CYLC2: variants seen among roughly 807,000 people sequenced by gnomAD.
CYLC2 encodes cylicin-2.
A neutral mutation model predicts 26.1 loss-of-function variants in CYLC2; 30 were observed. That is an observed-to-expected ratio of 1.15 (90% CI 0.86 to 1.56). The LOEUF (loss-of-function observed/expected upper bound fraction) is 1.56. Ranked by LOEUF, CYLC2 falls within the 40% of genes most tolerant of loss-of-function variation. The pLI, the probability that CYLC2 is intolerant of heterozygous loss-of-function variation, is 0.00. For missense variants in CYLC2, 498 were observed against 394.4 expected (o/e 1.26, Z -2.23); for synonymous variants, 158 against 132.8 (o/e 1.19, Z -1.31).
At chr9:103,008,502 T>C (rs531162271) in intron 5 of CYLC2, among the ~76,000 whole-genome samples, 2 of 152,232 alleles carry the variant, frequency 1.3e-5, no homozygotes, top group African/African-American at 4.8e-5. Flanking sequence ...AAGCACCTAG[T>C]TGACTAGCTT....
intron 6 of CYLC2, among the ~76,000 whole-genome samples, chr9:103,013,161 A>C (rs1281920466): frequency 2.2e-5 from 3 of 136,116 alleles, no homozygotes; most frequent in African/African-American, 5.4e-5. Context: ...ATAAATATAT[A>C]TTATATAAAT....
Position 103,016,914 on chromosome 9 carries a change from C to T in CYLC2, c.*843C>T, listed in dbSNP as rs1011939327. The stretch of plus-strand genomic sequence containing the variant: ...GAAGGAAAATAGCTGGCATTTCTTG[C>T]TGGAGAAAGTTATCACAAGTGGAAA... On this transcript the variant is annotated 3_prime_UTR_variant, in exon 7 of 8. Transcript: ENST00000374798. The T allele has an allele frequency of 6.6e-6, 1 of 151,874 alleles. No individual in the cohort carries two copies. Among genetic ancestry groups the T allele is most frequent in the Non-Finnish European group, 1.5e-5 (1 of 67,962 alleles). The allele number at this position is 151,874 out of a possible 1,614,324, so 9.4% of individuals were successfully genotyped here.
chr9:103,016,674 G>A (rs1371281986), intron 6 of CYLC2, among the ~76,000 whole-genome samples: 2 of 151,918 alleles, frequency 1.3e-5, no homozygotes, highest in African/African-American at 2.4e-5. Context: ...GACAAGAAAG[G>A]AAAATTAAAA....
At chr9:103,009,805 C>G (rs920471585) in intron 5 of CYLC2, among the ~76,000 whole-genome samples, 1 of 151,944 alleles carries the variant, frequency 6.6e-6, no homozygotes, top group East Asian at 1.9e-4. Flanking sequence ...TGAGAGAGAA[C>G]ATGCAATGTT....
In CYLC2 at chr9:103,005,023, A is replaced by G. The variant is rs759498047; in HGVS notation, c.392A>G (p.Glu131Gly). 2 of 1,594,330 alleles carry G rather than the reference A, an allele frequency of 1.3e-6. No individual in the cohort carries two copies. The highest frequency in any genetic ancestry group is 2.3e-5 in the South Asian group (2 of 87,700). The part of the protein sequence containing the change: ...KTTQKDTTDS[E>G]SELKQGKKDS... ...ACACAGAAGGACACAACAGATTCGG[A>G]ATCAGAATTAAAACAAGGAAAAAAA... Residue 131 changes from glutamate (E) to glycine (G), a missense_variant, in exon 5 of 8, where the codon GAA becomes GGA. By Grantham distance (98) the Glu-to-Gly change is moderately conservative. Transcript: ENST00000374798.
chr9:102,999,208 T>C (rs10820333), intron 1 of CYLC2, among the ~76,000 whole-genome samples: 99,758 of 151,502 alleles, frequency 0.66, 33,105 homozygotes, highest in South Asian at 0.82. Context: ...TGCTTTTGTG[T>C]TATTTCAAGT....
chr9:103,002,560 G>C (rs372945653), intron 2 of CYLC2, among the ~76,000 whole-genome samples: 7 of 151,806 alleles, frequency 4.6e-5, no homozygotes, highest in African/African-American at 1.4e-4. Context: ...CACCGTGTTA[G>C]CCAGGATGGT....
At chr9:103,017,812 G>A (rs532551525) in intron 7 of CYLC2, among the ~76,000 whole-genome samples, 3 of 152,006 alleles carry the variant, frequency 2.0e-5, no homozygotes, top group Admixed American at 1.3e-4. Context: ...TATTGGCAGC[G>A]TTGATTTCTT....
chr9:103,013,980 A>C (rs1225350231), intron 6 of CYLC2, among the ~76,000 whole-genome samples: 1 of 114,648 alleles, frequency 8.7e-6, no homozygotes, highest in African/African-American at 3.5e-5. Flanking sequence ...ATTATATATT[A>C]TTTAATATGA....
At chr9:103,001,142 C>T (rs1193012762) in intron 1 of CYLC2, among the ~76,000 whole-genome samples, 1 of 151,760 alleles carries the variant, frequency 6.6e-6, no homozygotes, top group Non-Finnish European at 1.5e-5. Flanking sequence ...TATGCTTTTA[C>T]ATAAGCGTAG....
intron 6 of CYLC2, among the ~76,000 whole-genome samples, chr9:103,014,141 A>T (rs1829457768): frequency 1.7e-5 from 2 of 119,230 alleles, no homozygotes; most frequent in African/African-American, 6.8e-5. Context: ...TAATATATTA[A>T]ATATATTATT....
At position 103,005,445 on chromosome 9, in the gene CYLC2, A is replaced by G. The variant is rs766067392; in HGVS notation, c.814A>G (p.Lys272Glu). Reference sequence around the variant, plus strand: ...TGCAAAGGAGATTAAAAAAGGTAAGAAAGATAAGAAGAAGCCCAGTAGTAC... The same window carrying G: ...TGCAAAGGAGATTAAAAAAGGTAAGGAAGATAAGAAGAAGCCCAGTAGTAC... ...KDAKEIKKGK[K>E]DKKKPSSTDS... The change falls in exon 5 of 8, where the codon AAA becomes GAA. Residue 272 changes from lysine (K) to glutamate (E), a missense_variant. By Grantham distance (56) the Lys-to-Glu change is moderately conservative (BLOSUM62 1). Transcript: ENST00000374798. 4.8e-5 allele frequency: 77 copies of G among 1,613,316 alleles called. No homozygotes were observed. The highest frequency in any genetic ancestry group is 6.4e-5 in the Non-Finnish European group (76 of 1,179,886).
At chr9:102,996,205 T>C (rs903846072) in intron 1 of CYLC2, among the ~76,000 whole-genome samples, 2 of 151,906 alleles carry the variant, frequency 1.3e-5, no homozygotes, top group African/African-American at 2.4e-5. Flanking sequence ...CATTAAAGTA[T>C]AATTTTTGGT....
chr9:103,013,135 T>C (rs1159191987), intron 6 of CYLC2, among the ~76,000 whole-genome samples: 2 of 126,196 alleles, frequency 1.6e-5, no homozygotes, highest in African/African-American at 6.3e-5. Flanking sequence ...ATATATATCA[T>C]ATAAATATAT....
chr9:102,997,916 T>A (rs1788089943), intron 1 of CYLC2, among the ~76,000 whole-genome samples: 1 of 151,938 alleles, frequency 6.6e-6, no homozygotes, highest in Non-Finnish European at 1.5e-5. Context: ...AGAAATAGAT[T>A]TTTCTCTTAA....
Position 103,005,918 on chromosome 9 carries a change from T to C in CYLC2, c.*240T>C, listed in dbSNP as rs1829343162. ...GAAAGACTTGAAGAATACATATACTTATATTCGGGGATATGAAGGATTCAA... is the reference window on the plus strand; with the variant it reads ...GAAAGACTTGAAGAATACATATACTCATATTCGGGGATATGAAGGATTCAA... On this transcript the variant is annotated 3_prime_UTR_variant, in exon 5 of 8. Transcript: ENST00000374798. 2.3e-6 allele frequency: 1 copy of C among 440,366 alleles called. No homozygotes were observed. The highest frequency in any genetic ancestry group is 3.9e-5 in the Admixed American group (1 of 25,914). 27.3% of individuals were successfully genotyped at this position (440,366 alleles called of 1,614,324 possible). A position where few individuals can be genotyped will look rare whatever the true frequency, so the allele number is the denominator to read the frequency against.
In CYLC2 at chr9:103,001,530, G is replaced by A. The variant is rs78621460; in HGVS notation, c.18-48G>A. 3.2e-4 allele frequency: 382 copies of A among 1,179,034 alleles called. 3 individuals carry two copies. In the East Asian group the frequency reaches 9.4e-3, roughly 29 times the overall value. 73.0% of individuals were successfully genotyped at this position (1,179,034 alleles called of 1,614,324 possible). On this transcript the variant is annotated intron_variant, in intron 1 of 7. Transcript: ENST00000374798. ...AGTAAAATAATGACAGTTTAAAACA[G>A]TGATTTTTATATAAATTAACTAAAA...
chr9:103,013,635 T>C (rs1479228908), intron 6 of CYLC2, among the ~76,000 whole-genome samples: 8 of 112,416 alleles, frequency 7.1e-5, no homozygotes, highest in East Asian at 5.7e-4. Flanking sequence ...TATATAGATA[T>C]ATATTTATAT....
intron 5 of CYLC2, among the ~76,000 whole-genome samples, chr9:103,007,817 A>G (rs746594598): frequency 6.6e-6 from 1 of 152,148 alleles, no homozygotes; most frequent in Non-Finnish European, 1.5e-5. Flanking sequence ...CCTAGTCTGT[A>G]TGTTCCTAAG....
Sources: allele counts gnomAD v4.1 joint callset (sites outside exome capture counted in the v4.1 genomes callset), GRCh38; gene constraint gnomAD v4.1.1; transcripts MANE v1.5; gene names NCBI Gene and HGNC (gene_info 2026-07-23, HGNC 2026-07-21).